The following USP6NL variants were observed in gnomAD, a reference collection of about 807,000 sequenced individuals.
USP6NL encodes USP6 N-terminal-like protein.
Under a neutral mutation model 61.9 loss-of-function variants are expected in USP6NL, and 26 were observed. That is an observed-to-expected ratio of 0.42 (90% CI 0.31 to 0.58). The LOEUF is 0.58. USP6NL is among the 20% of genes least tolerant of loss of function. USP6NL has a pLI of 0.16. For synonymous variants in USP6NL, 432 were observed against 390.1 expected, an observed-to-expected ratio of 1.11 and a Z score of -1.27; for missense variants, 1,114 against 1,034.3, an observed-to-expected ratio of 1.08 and a Z score of -1.06.
rs540731839 is a variant in USP6NL at position 11,498,954 on chromosome 10, C to G, written c.384+2147G>C. 1.2e-4 allele frequency among the ~76,000 whole-genome samples: 19 copies of G among 152,302 alleles called. No individual in the cohort carries two copies. The South Asian group carries it at 3.7e-3, about 30-fold the overall frequency. On this transcript the variant is annotated intron_variant, in intron 7 of 14. Coordinates refer to ENST00000609104, the MANE Select transcript of USP6NL (RefSeq NM_014688.5). Reference sequence around the variant, plus strand: ...CTCCTCCAACCTAGAAGAAAAGATTCTTGCCACTGTACCTATTCATCTTCA... The same window carrying G: ...CTCCTCCAACCTAGAAGAAAAGATTGTTGCCACTGTACCTATTCATCTTCA...
chr10:11,477,822 G>T (rs1833032659), intron 14 of USP6NL, among the ~76,000 whole-genome samples: 1 of 151,964 alleles, frequency 6.6e-6, no homozygotes, highest in Non-Finnish European at 1.5e-5. Context: ...AATGTGAAAA[G>T]GTTTTAAAGG....
chr10:11,473,603 A>G (rs1035229845), intron 14 of USP6NL, among the ~76,000 whole-genome samples: 5 of 152,180 alleles, frequency 3.3e-5, no homozygotes, highest in Non-Finnish European at 5.9e-5. Context: ...TAGAGCTGTG[A>G]GCTGCAAGGC....
At chr10:11,565,351 T>G (rs1033194801) in intron 2 of USP6NL, 4 of 152,156 alleles carry the variant, frequency 2.6e-5, no homozygotes, top group Non-Finnish European at 5.9e-5. Flanking sequence ...TTTAAGAATG[T>G]AGCATCCAGG....
In USP6NL at chr10:11,510,522, A is replaced by G. The variant is rs1277185153; in HGVS notation, c.196-847T>C. 6.6e-6 allele frequency among the ~76,000 whole-genome samples: 1 copy of G among 152,106 alleles called. No individual in the cohort carries two copies. Among genetic ancestry groups the G allele is most frequent in the Non-Finnish European group, 1.5e-5 (1 of 68,008 alleles). On this transcript the variant is annotated intron_variant, in intron 5 of 14. Transcript: ENST00000609104. The surrounding 1 kb of genome is among the most constrained non-coding windows in gnomAD (Gnocchi z 4.8). ...GGAGAAGTCTCTTGCGTGCCCACTC[A>G]AGTGAAATTCAGGGGCAAGGCTGCG...
In USP6NL at chr10:11,528,830, G is replaced by A. The variant is rs1270740633; in HGVS notation, c.5-1263C>T. 6.6e-6 allele frequency among the ~76,000 whole-genome samples: 1 copy of A among 152,132 alleles called. No individual in the cohort carries two copies. The highest frequency in any genetic ancestry group is 6.6e-5 in the Admixed American group (1 of 15,262). On this transcript the variant is annotated intron_variant, in intron 2 of 14. Coordinates refer to ENST00000609104, the MANE Select transcript of USP6NL (RefSeq NM_014688.5). The surrounding 1 kb of genome is among the most constrained non-coding windows in gnomAD (Gnocchi z 4.6). ...AGGAGAGGTGGGGTTAAAAACAAGG[G>A]AGCTGAGTAAAGGAAGTCAAATCCC...
intron 4 of USP6NL, among the ~76,000 whole-genome samples, chr10:11,521,786 T>C (rs1835219098): frequency 6.6e-6 from 1 of 152,240 alleles, no homozygotes; most frequent in Non-Finnish European, 1.5e-5. Flanking sequence ...AATATACACA[T>C]TTTGATAAGT....
intron 14 of USP6NL, among the ~76,000 whole-genome samples, chr10:11,477,810 T>G (rs1443966455): frequency 5.3e-5 from 8 of 152,136 alleles, no homozygotes; most frequent in Non-Finnish European, 1.2e-4. Context: ...AACAAAATTA[T>G]TAATGTGAAA....
intron 2 of USP6NL, among the ~76,000 whole-genome samples, chr10:11,535,657 C>T (rs890548820): frequency 1.3e-5 from 2 of 152,184 alleles, no homozygotes; most frequent in Non-Finnish European, 2.9e-5. Context: ...TCTAGTATAA[C>T]GAATTCAGAC....
In USP6NL at chr10:11,585,580, C is replaced by T. The variant is rs371734550; in HGVS notation, c.4+12051G>A. Among the ~76,000 whole-genome samples the T allele has an allele frequency of 3.9e-4, 60 of 152,048 alleles. No individual in the cohort carries two copies. Among genetic ancestry groups the T allele is most frequent in the Middle Eastern group, 3.4e-3 (1 of 294 alleles). ...GGGAGGCTGAGGAACGGGAATGGCG[C>T]GAACCCGGGATGCGGAGCTTTCAGT... is the stretch of plus-strand genomic sequence containing the variant. On this transcript the variant is annotated intron_variant, in intron 2 of 14. Coordinates refer to ENST00000609104, the MANE Select transcript of USP6NL (RefSeq NM_014688.5). This position sits in a 1 kb window ranked among gnomAD's most constrained non-coding sequence, Gnocchi z 4.5.
rs759079987 is a variant in USP6NL at position 11,463,773 on chromosome 10, C to T, written c.1155G>A (p.Leu385=). Residue 385 remains leucine (L), a synonymous_variant, in exon 15 of 15, where the codon TTG becomes TTA. Coordinates refer to ENST00000609104, the MANE Select transcript of USP6NL (RefSeq NM_014688.5). The surrounding 1 kb of genome is among the most constrained non-coding windows in gnomAD (Gnocchi z 6.3). ...GGCCCACGCTCCTCTGTCCGTTGCTCAAGTGATGGACGCCCCAAGACTGAA... is the reference window on the plus strand; with the variant it reads ...GGCCCACGCTCCTCTGTCCGTTGCTTAAGTGATGGACGCCCCAAGACTGAA... The part of the protein sequence containing the change: ...PELQSWGVHH[L]SNGQRSVGRP... 2.1e-5 allele frequency: 33 copies of T among 1,547,176 alleles called. No individual in the cohort carries two copies. Among genetic ancestry groups the T allele is most frequent in the Non-Finnish European group, 2.7e-5 (31 of 1,146,794 alleles).
intron 2 of USP6NL, among the ~76,000 whole-genome samples, chr10:11,583,446 C>G (rs550487299): frequency 6.6e-6 from 1 of 152,240 alleles, no homozygotes; most frequent in Non-Finnish European, 1.5e-5. Context: ...CCACCTCAGC[C>G]TCCCAAAGTG....
rs978634454 is a variant in USP6NL, at chr10:11,485,863, T to C, written c.713A>G (p.His238Arg). ...FPKLLRFQEHHEKILNKFLSK... is the reference protein window; with the variant it reads ...FPKLLRFQEHREKILNKFLSK... ...CAGAAATTTGTTCAGTATTTTTTCATGATGTTCTTGAAACCTCAAGAGTTT... is the reference window on the plus strand; with the variant it reads ...CAGAAATTTGTTCAGTATTTTTTCACGATGTTCTTGAAACCTCAAGAGTTT... The change falls in exon 11 of 15, where the codon CAT becomes CGT. Residue 238 changes from histidine (H) to arginine (R), a missense_variant. By Grantham distance (29) the His-to-Arg change is conservative. Coordinates refer to ENST00000609104, the MANE Select transcript of USP6NL (RefSeq NM_014688.5). The surrounding 1 kb of genome is among the most constrained non-coding windows in gnomAD (Gnocchi z 4.8). 2 of 1,556,538 alleles carry C rather than the reference T, an allele frequency of 1.3e-6. No individual in the cohort carries two copies. Among genetic ancestry groups the C allele is most frequent in the African/African-American group, 1.4e-5 (1 of 73,590 alleles).
At position 11,585,698 on chromosome 10, in the gene USP6NL, T is replaced by G. The variant is rs1358221051; in HGVS notation, c.4+11933A>C. 6.6e-6 allele frequency among the ~76,000 whole-genome samples: 1 copy of G among 151,798 alleles called. No homozygotes were observed. The highest frequency in any genetic ancestry group is 1.5e-5 in the Non-Finnish European group (1 of 67,948). The stretch of plus-strand genomic sequence containing the variant: ...AAATTAAATTAAATTGAATAAAAAT[T>G]TAAAAAGGTGGAAGCAACCCAAGTG... On this transcript the variant is annotated intron_variant, in intron 2 of 14. Coordinates refer to ENST00000609104, the MANE Select transcript of USP6NL (RefSeq NM_014688.5). The surrounding 1 kb of genome is among the most constrained non-coding windows in gnomAD (Gnocchi z 4.5).
chr10:11,483,634 AGAGGGGGAGGGGGAGAG>A (rs1230987612), intron 13 of USP6NL, among the ~76,000 whole-genome samples: 40 of 272 alleles, frequency 0.15, no homozygotes, highest in South Asian at 0.31. Flanking sequence ...AAGGGGAGGG[AGAGGGGGAGGGGGAGAG>A]GGGGGAGAGG....
intron 4 of USP6NL, among the ~76,000 whole-genome samples, chr10:11,523,084 G>A (rs1339813281): frequency 6.8e-6 from 1 of 146,406 alleles, no homozygotes; most frequent in Non-Finnish European, 1.5e-5. Flanking sequence ...CACACAGTAA[G>A]TGCACAATAA....
intron 6 of USP6NL, among the ~76,000 whole-genome samples, chr10:11,504,170 G>A (rs527851713): frequency 6.6e-6 from 1 of 152,224 alleles, no homozygotes; most frequent in East Asian, 1.9e-4. Context: ...TTCTAATTAT[G>A]CTGTTTTTCA....
chr10:11,527,448 T>C, intron 3 of USP6NL, 52 bp downstream of exon 3: 2 of 1,504,020 alleles, frequency 1.3e-6, no homozygotes, highest in Non-Finnish European at 1.8e-6. Flanking sequence ...CATTTCTATT[T>C]ATATGGTTTT....
chr10:11,488,178 G>C (rs374474820), intron 10 of USP6NL, among the ~76,000 whole-genome samples: 51 of 152,306 alleles, frequency 3.3e-4, no homozygotes, highest in African/African-American at 1.1e-3. Flanking sequence ...TTGGGAGGCT[G>C]AGGCGGGAGG....
chr10:11,488,804 CT>C (rs1164889834), intron 10 of USP6NL, among the ~76,000 whole-genome samples: 1 of 151,068 alleles, frequency 6.6e-6, no homozygotes, highest in Non-Finnish European at 1.5e-5. Flanking sequence ...AATAATATAC[CT>C]GTTCTTAAAT....
Sources: gnomAD v4.1 joint callset for allele counts (sites outside exome capture counted in the v4.1 genomes callset) on GRCh38, gnomAD v4.1.1 for gene constraint, Gnocchi (gnomAD v3.1) non-coding constraint, MANE v1.5 for transcripts, NCBI Gene and HGNC (gene_info 2026-07-23, HGNC 2026-07-21) for gene names.